The following RAI14 variants were observed in gnomAD, a reference collection of about 807,000 sequenced individuals.
RAI14 encodes retinoic acid induced 14.
A neutral mutation model predicts 115.4 loss-of-function variants in RAI14; 45 were observed. The observed-to-expected ratio is 0.39, with a 90% confidence interval of 0.31 to 0.50. The LOEUF (loss-of-function observed/expected upper bound fraction) is 0.50. Ranked by LOEUF, RAI14 falls within the 20% of genes least tolerant of loss-of-function variation. RAI14 has a pLI of 0.85. For synonymous variants in RAI14, 371 were observed against 415.4 expected, an observed-to-expected ratio of 0.89 and a Z score of 1.30; for missense variants, 939 against 1,131.2, an observed-to-expected ratio of 0.83 and a Z score of 2.44.
At chr5:34,757,625 A>T (rs1748071571) in intron 3 of RAI14, 27 bp downstream of exon 3, 3 of 1,580,428 alleles carry the variant, frequency 1.9e-6, no homozygotes, top group Non-Finnish European at 2.6e-6. Context: ...GTTTGCAGAT[A>T]TGCTGGTTCT....
chr5:34,788,216 G>T (rs190726830), intron 3 of RAI14, among the ~76,000 whole-genome samples: 1 of 152,042 alleles, frequency 6.6e-6, no homozygotes, highest in Non-Finnish European at 1.5e-5. Context: ...ACCACACCTA[G>T]CCCACTACTG....
At chr5:34,676,601 A>G (rs1295403606) in intron 1 of RAI14, among the ~76,000 whole-genome samples, 1 of 152,242 alleles carries the variant, frequency 6.6e-6, no homozygotes, top group Non-Finnish European at 1.5e-5. Context: ...TAGTGCTGCC[A>G]GAACCACAGC....
chr5:34,709,694 A>G (rs1487902259), intron 2 of RAI14, among the ~76,000 whole-genome samples: 1 of 152,250 alleles, frequency 6.6e-6, no homozygotes, highest in Non-Finnish European at 1.5e-5. Context: ...CCCAACTCCC[A>G]TACAACTGAA....
At chr5:34,803,673 C>CT in intron 4 of RAI14, 39 bp from the exon 5 acceptor site, 1 of 1,527,816 alleles carries the variant, frequency 6.5e-7, no homozygotes, top group Non-Finnish European at 8.9e-7. Flanking sequence ...AAAGTGTGGC[C>CT]TTTTTAAAAA....
At chr5:34,677,355 G>A (rs574578838) in intron 1 of RAI14, among the ~76,000 whole-genome samples, 2 of 152,106 alleles carry the variant, frequency 1.3e-5, no homozygotes, top group East Asian at 3.9e-4. Context: ...GAGGAGACGA[G>A]GTTTTGCCAT....
chr5:34,822,066 CAT>C (rs1230715410), intron 14 of RAI14, among the ~76,000 whole-genome samples: 2 of 150,044 alleles, frequency 1.3e-5, no homozygotes, highest in Non-Finnish European at 3.0e-5. Flanking sequence ...TAATTATACA[CAT>C]AGTATGATCA....
chr5:34,699,374 G>T (rs1249418393), intron 2 of RAI14, among the ~76,000 whole-genome samples: 1 of 152,132 alleles, frequency 6.6e-6, no homozygotes, highest in Admixed American at 6.5e-5. Flanking sequence ...CTCCTTCTGG[G>T]GCTGTGAGGA....
intron 2 of RAI14, among the ~76,000 whole-genome samples, chr5:34,736,233 T>C (rs1297082132): frequency 6.6e-6 from 1 of 152,166 alleles, no homozygotes; most frequent in Non-Finnish European, 1.5e-5. Flanking sequence ...AAGCCCCGTC[T>C]CTACTAAAAC....
At chr5:34,665,009 A>ATATATGTGTATATATATGTG (rs1561220443) in intron 1 of RAI14, among the ~76,000 whole-genome samples, 1 of 73,890 alleles carries the variant, frequency 1.4e-5, no homozygotes, top group African/African-American at 4.7e-5. Context: ...ATGTGTATAT[A>ATATATGTGTATATATATGTG]TATATATATG....
rs115279882 is a variant in RAI14 at position 34,825,024 on chromosome 5, C to T, written c.2649+533C>T. The stretch of plus-strand genomic sequence containing the variant: ...AACACATCTGCTGGGCATAGTGGCT[C>T]ACTCCTCTAATTCCAGCAGTTTGGG... On this transcript the variant is annotated intron_variant, in intron 15 of 17. Coordinates refer to ENST00000265109, the MANE Select transcript of RAI14 (RefSeq NM_015577.3). 5.4e-3 allele frequency among the ~76,000 whole-genome samples: 811 copies of T among 151,172 alleles called. 5 individuals carry two copies. Among genetic ancestry groups the T allele is most frequent in the African/African-American group, 0.019 (788 of 41,164 alleles).
Position 34,807,796 on chromosome 5 carries a change from A to G in RAI14, c.322-4A>G. 6.2e-7 allele frequency: 1 copy of G among 1,604,480 alleles called. No individual in the cohort carries two copies. Among genetic ancestry groups the G allele is most frequent in the Non-Finnish European group, 8.5e-7 (1 of 1,171,186 alleles). ...ATATGGATGTATTTATTTTTGTCTT[A>G]TAGTCTAAATGCCCAGCCGAAAGTG... On this transcript the variant is annotated splice_polypyrimidine_tract_variant and splice_region_variant and intron_variant, in intron 5 of 17. Coordinates refer to ENST00000265109, the MANE Select transcript of RAI14 (RefSeq NM_015577.3).
intron 5 of RAI14, among the ~76,000 whole-genome samples, chr5:34,804,495 G>C (rs2150236374): frequency 6.6e-6 from 1 of 152,342 alleles, no homozygotes; most frequent in East Asian, 1.9e-4. Context: ...TGTACTGTCT[G>C]TTCTGTTGAA....
intron 2 of RAI14, among the ~76,000 whole-genome samples, chr5:34,713,524 C>T (rs1262189925): frequency 6.6e-6 from 1 of 152,080 alleles, no homozygotes; most frequent in African/African-American, 2.4e-5. Flanking sequence ...AAAAGGAAGA[C>T]CCTTATCCTT....
chr5:34,688,771 G>GACA (rs1738193951), intron 2 of RAI14, among the ~76,000 whole-genome samples: 3 of 151,636 alleles, frequency 2.0e-5, no homozygotes, highest in African/African-American at 4.9e-5. Context: ...AATAAAAAAT[G>GACA]ACAACAACAA....
chr5:34,712,807 T>C (rs1741557435), intron 2 of RAI14, among the ~76,000 whole-genome samples: 1 of 152,166 alleles, frequency 6.6e-6, no homozygotes, highest in South Asian at 2.1e-4. Context: ...TTTAACGTAT[T>C]AATGTACATT....
chr5:34,759,269 A>G (rs565715048), intron 3 of RAI14, among the ~76,000 whole-genome samples: 23 of 148,026 alleles, frequency 1.6e-4, no homozygotes, highest in South Asian at 1.3e-3. Context: ...TATCAAAGGG[A>G]AAAAAAAAAG....
chr5:34,746,061 T>A (rs373050946), intron 2 of RAI14, among the ~76,000 whole-genome samples: 11 of 137,628 alleles, frequency 8.0e-5, no homozygotes, highest in African/African-American at 2.9e-4. Flanking sequence ...GCCCCTTTCA[T>A]CACACCTCCT....
intron 1 of RAI14, among the ~76,000 whole-genome samples, chr5:34,659,257 G>A (rs763438602): frequency 1.3e-5 from 2 of 152,064 alleles, no homozygotes; most frequent in African/African-American, 2.4e-5. Context: ...AGTAAGTTAG[G>A]GTTTCTGGTT....
At chr5:34,786,407 T>A (rs1752301898) in intron 3 of RAI14, among the ~76,000 whole-genome samples, 1 of 152,230 alleles carries the variant, frequency 6.6e-6, no homozygotes, top group Non-Finnish European at 1.5e-5. Context: ...GCCGTTCTTT[T>A]TCTTCAAAAT....
Sources: gnomAD v4.1 joint callset for allele counts (sites outside exome capture counted in the v4.1 genomes callset) on GRCh38, gnomAD v4.1.1 for gene constraint, MANE v1.5 for transcripts, NCBI Gene and HGNC (gene_info 2026-07-23, HGNC 2026-07-21) for gene names.